Variants in NRF1 observed in about 807,000 individuals in gnomAD.
NRF1 encodes alpha palindromic-binding protein.
Under a neutral mutation model 58.5 loss-of-function variants are expected in NRF1, and 5 were observed. That is an observed-to-expected ratio of 0.09 (90% CI 0.04 to 0.18). The LOEUF is 0.18. Ranked by LOEUF, NRF1 falls within the 10% of genes least tolerant of loss-of-function variation. The pLI is 1.00. For missense variants in NRF1, 288 were observed against 657.7 expected (o/e 0.44, Z 6.15); for synonymous variants, 224 against 246.7 (o/e 0.91, Z 0.86).
intron 1 of NRF1, 125 bp from the exon 2 acceptor site, chr7:129,657,221 C>T (rs1313021405): frequency 2.9e-5 from 19 of 664,458 alleles, no homozygotes; most frequent in African/African-American, 1.6e-4. Context: ...TGGTGTGGCA[C>T]GGTAAGTAGT....
chr7:129,742,186 CATT>C (rs745888023), intron 10 of NRF1, among the ~76,000 whole-genome samples: 9 of 147,402 alleles, frequency 6.1e-5, no homozygotes, highest in Non-Finnish European at 1.0e-4. Context: ...TTGCCTGTGA[CATT>C]ATAATTACAC....
intron 1 of NRF1, among the ~76,000 whole-genome samples, chr7:129,650,259 G>A (rs1801505328): frequency 2.0e-5 from 3 of 151,388 alleles, no homozygotes; most frequent in Admixed American, 1.3e-4. Context: ...TTTGAATGTG[G>A]TGTTGAGTCA....
chr7:129,715,938 G>A (rs1184465211), intron 8 of NRF1, among the ~76,000 whole-genome samples: 1 of 151,924 alleles, frequency 6.6e-6, no homozygotes, highest in East Asian at 1.9e-4. Flanking sequence ...CTGGGAGGCG[G>A]AGGTTGCGGT....
rs564632387 is a variant in NRF1, at chr7:129,709,158, G to A, written c.690G>A (p.Lys230=). The change falls in exon 6 of 11, where the codon AAG becomes AAA. Residue 230 remains lysine (K), a synonymous_variant. Transcript: ENST00000393232. ...GKPGWGKESC[K]PIWWPEDIPW... Reference sequence around the variant, plus strand: ...CAGGCTGGGGGAAAGAAAGCTGCAAGCCCATCTGGTGGCCTGAAGATATCC... The same window carrying A: ...CAGGCTGGGGGAAAGAAAGCTGCAAACCCATCTGGTGGCCTGAAGATATCC... 14 of 1,594,736 alleles carry A rather than the reference G, an allele frequency of 8.8e-6. No homozygotes were observed. The African/African-American group carries it at 1.9e-4, about 21-fold the overall frequency.
intron 1 of NRF1, among the ~76,000 whole-genome samples, chr7:129,620,678 A>G (rs1397525692): frequency 6.6e-6 from 1 of 152,074 alleles, no homozygotes; most frequent in Non-Finnish European, 1.5e-5. Context: ...GAGCCACCGC[A>G]CTGGGCCCAA....
chr7:129,685,416 C>T (rs182645720), intron 4 of NRF1, among the ~76,000 whole-genome samples: 1 of 152,200 alleles, frequency 6.6e-6, no homozygotes, highest in African/African-American at 2.4e-5. Context: ...CAAAATAAAA[C>T]TCTAATGGCT....
intron 1 of NRF1, among the ~76,000 whole-genome samples, chr7:129,639,825 G>A (rs1216301417): frequency 6.6e-6 from 1 of 152,064 alleles, no homozygotes; most frequent in Admixed American, 6.5e-5. Context: ...TGGGATTACA[G>A]GCGTGAGCCA....
chr7:129,623,457 G>C (rs1440824083), intron 1 of NRF1, among the ~76,000 whole-genome samples: 1 of 151,564 alleles, frequency 6.6e-6, no homozygotes, highest in Non-Finnish European at 1.5e-5. Context: ...AAAATGCTGT[G>C]TAATCCAACT....
intron 1 of NRF1, among the ~76,000 whole-genome samples, chr7:129,646,325 G>C (rs570118510): frequency 6.6e-6 from 1 of 152,336 alleles, no homozygotes; most frequent in South Asian, 2.1e-4. Flanking sequence ...CACTGTATGA[G>C]TAATTTTGAA....
intron 8 of NRF1, among the ~76,000 whole-genome samples, chr7:129,713,657 G>C (rs983971830): frequency 6.6e-6 from 1 of 152,226 alleles, no homozygotes; most frequent in Non-Finnish European, 1.5e-5. Flanking sequence ...CCCTTAAGGA[G>C]CACATAGGTA....
At chr7:129,636,714 T>TTCTTCCACTTG (rs551122547) in intron 1 of NRF1, among the ~76,000 whole-genome samples, 61 of 152,346 alleles carry the variant, frequency 4.0e-4, no homozygotes, top group African/African-American at 1.3e-3. Context: ...GCTGCTGCTT[T>TTCTTCCACTTG]TCTTCCACTT....
At chr7:129,687,938 C>G (rs1802479522) in intron 4 of NRF1, among the ~76,000 whole-genome samples, 1 of 152,124 alleles carries the variant, frequency 6.6e-6, no homozygotes, top group Admixed American at 6.5e-5. Flanking sequence ...TTGCAAATTA[C>G]TTAGGGATGC....
chr7:129,752,493 A>G (rs1804142968), intron 10 of NRF1, among the ~76,000 whole-genome samples: 1 of 152,140 alleles, frequency 6.6e-6, no homozygotes, highest in Non-Finnish European at 1.5e-5. Context: ...ACTTTGTTAC[A>G]AGCTTTGGAA....
chr7:129,676,054 A>G (rs961952180), intron 3 of NRF1, among the ~76,000 whole-genome samples: 8 of 152,292 alleles, frequency 5.3e-5, no homozygotes, highest in African/African-American at 1.9e-4. Flanking sequence ...CTTTTATGTA[A>G]TGGAGATGGC....
At chr7:129,734,581 C>T (rs78630122) in intron 10 of NRF1, among the ~76,000 whole-genome samples, 6,480 of 152,310 alleles carry the variant, frequency 0.043, 166 homozygotes, top group Middle Eastern at 0.12. Context: ...TGCTGAGTGC[C>T]CCGGGCTCAG....
At chr7:129,677,603 T>G in intron 3 of NRF1, 29 bp from the exon 4 acceptor site, 4 of 1,612,028 alleles carry the variant, frequency 2.5e-6, no homozygotes, top group Non-Finnish European at 3.4e-6. Flanking sequence ...TTTTAAAACT[T>G]TTTATTCTTG....
At position 129,679,653 on chromosome 7, in the gene NRF1, G is replaced by A. The variant is rs186512280; in HGVS notation, c.465+1895G>A. Among the ~76,000 whole-genome samples, 104 of 152,084 alleles carry A rather than the reference G, an allele frequency of 6.8e-4. 1 individual carries two copies. Among genetic ancestry groups the A allele is most frequent in the East Asian group, 2.5e-3 (13 of 5,168 alleles). On this transcript the variant is annotated intron_variant, in intron 4 of 10. Transcript: ENST00000393232. ...CAGAAGAATCTCTTGAACCCAGGAG[G>A]CAGAGGTTGCAGTGAGCCAAGATCG...
intron 1 of NRF1, among the ~76,000 whole-genome samples, chr7:129,619,054 A>G (rs1800712972): frequency 6.6e-6 from 1 of 152,080 alleles, no homozygotes; most frequent in African/African-American, 2.4e-5. Context: ...TTGGATTAGG[A>G]ATGCTTAACC....
intron 10 of NRF1, among the ~76,000 whole-genome samples, chr7:129,754,658 T>TAA (rs1166146623): frequency 6.6e-6 from 1 of 151,964 alleles, no homozygotes; most frequent in African/African-American, 2.4e-5. Flanking sequence ...CAATGTAGTC[T>TAA]GTGTTTCAAG....
Sources: allele counts gnomAD v4.1 joint callset (sites outside exome capture counted in the v4.1 genomes callset), GRCh38; gene constraint gnomAD v4.1.1; transcripts MANE v1.5; gene names NCBI Gene and HGNC (gene_info 2026-07-23, HGNC 2026-07-21).